Variants in VPS13B observed in about 807,000 individuals in gnomAD.
The protein encoded by VPS13B is vacuolar protein sorting 13 homolog B.
Under a neutral mutation model 426.4 loss-of-function variants are expected in VPS13B, and 285 were observed. That is an observed-to-expected ratio of 0.67 (90% CI 0.61 to 0.74). VPS13B has a LOEUF of 0.74. Among genes scored for constraint, VPS13B ranks in the 30% least tolerant of loss-of-function variants. VPS13B has a pLI of 0.00. For missense variants in VPS13B, 4,537 were observed against 4,782.6 expected, an observed-to-expected ratio of 0.95 and a Z score of 1.51; for synonymous variants, 1,676 against 1,676.4, an observed-to-expected ratio of 1.00 and a Z score of 0.01.
At chr8:99,507,634 G>A (rs1821569110) in intron 28 of VPS13B, 1 of 1,312,384 alleles carries the variant, frequency 7.6e-7, no homozygotes, top group Non-Finnish European at 1.1e-6. Context: ...CCAGGCAGAG[G>A]CCATACCTAG....
intron 23 of VPS13B, among the ~76,000 whole-genome samples, chr8:99,457,016 T>G (rs2133477071): frequency 6.6e-6 from 1 of 152,052 alleles, no homozygotes; most frequent in African/African-American, 2.4e-5. Context: ...TCAGTTATGG[T>G]AAGTTGTATC....
intron 13 of VPS13B, among the ~76,000 whole-genome samples, chr8:99,144,488 C>A (rs536177862): frequency 0.029 from 2,672 of 91,578 alleles, 66 homozygotes; most frequent in African/African-American, 0.095. Context: ...GACCCTGTTT[C>A]AAAAAAAAAA....
At chr8:99,640,136 C>T (rs1231632544) in intron 33 of VPS13B, among the ~76,000 whole-genome samples, 1 of 151,612 alleles carries the variant, frequency 6.6e-6, no homozygotes, top group Non-Finnish European at 1.5e-5. Context: ...CCCAGTTACC[C>T]AGTACTTTGG....
chr8:99,843,780 C>T (rs1322816218), intron 54 of VPS13B, among the ~76,000 whole-genome samples: 1 of 152,172 alleles, frequency 6.6e-6, no homozygotes. Context: ...GGAGATCTTC[C>T]TTGGACACTT....
chr8:99,379,748 CT>C (rs1813690961), intron 19 of VPS13B, among the ~76,000 whole-genome samples: 1 of 152,128 alleles, frequency 6.6e-6, no homozygotes, highest in Non-Finnish European at 1.5e-5. Flanking sequence ...GTGTAATTCA[CT>C]TTTCTTTTAG....
intron 3 of VPS13B, among the ~76,000 whole-genome samples, chr8:99,071,898 C>G (rs986353039): frequency 7.2e-5 from 11 of 152,114 alleles, no homozygotes; most frequent in African/African-American, 2.7e-4. Flanking sequence ...CAGTGATGTT[C>G]ATTCAGGGGC....
At chr8:99,536,972 GA>G in intron 30 of VPS13B, 1 of 359,254 alleles carries the variant, frequency 2.8e-6, no homozygotes, top group Non-Finnish European at 5.5e-6. Flanking sequence ...GAGATATACA[GA>G]AAAGTAATTA....
intron 29 of VPS13B, among the ~76,000 whole-genome samples, chr8:99,516,787 CAAAAAAAAAA>C (rs528490868): frequency 9.0e-4 from 15 of 16,706 alleles, no homozygotes; most frequent in East Asian, 5.3e-3. Flanking sequence ...GACCGTGTCT[CAAAAAAAAAA>C]AAAAAAAAAA....
At chr8:99,517,784 G>A (rs1822167323) in intron 29 of VPS13B, among the ~76,000 whole-genome samples, 2 of 151,930 alleles carry the variant, frequency 1.3e-5, no homozygotes, top group African/African-American at 4.8e-5. Context: ...ATTTCTAGAA[G>A]GAACATTTCC....
chr8:99,225,999 C>T (rs1233491209), intron 17 of VPS13B, among the ~76,000 whole-genome samples: 1 of 152,074 alleles, frequency 6.6e-6, no homozygotes, highest in Non-Finnish European at 1.5e-5. Context: ...GGCTGGAGTG[C>T]AGTGGTGCGA....
Position 99,183,018 on chromosome 8 carries a change from C to T in VPS13B, c.2334-9858C>T, listed in dbSNP as rs531382188. Among the ~76,000 whole-genome samples, 29 of 152,150 alleles carry T rather than the reference C, an allele frequency of 1.9e-4. No homozygotes were observed. In the East Asian group the frequency reaches 2.9e-3, roughly 15 times the overall value. ...CCTCCCAAAGTGCTGGGATTGCAGG[C>T]GTGAGCCACCGCACCTGGCTGTGGA... On this transcript the variant is annotated intron_variant, in intron 16 of 61. Transcript: ENST00000357162.
chr8:99,198,385 T>A (rs951699305), intron 17 of VPS13B, among the ~76,000 whole-genome samples: 9 of 152,164 alleles, frequency 5.9e-5, no homozygotes, highest in African/African-American at 2.2e-4. Context: ...TTAATTGGCT[T>A]AGATAGCCTG....
chr8:99,717,158 A>ATT lies in VPS13B; in HGVS notation c.6455-5_6455-4dup. On this transcript the variant is annotated splice_polypyrimidine_tract_variant and intron_variant, in intron 36 of 61. Transcript: ENST00000357162. ...AAGGATGAATTATATACTCTTCTGT[A>ATT]TTTTTTTTTCAGGCATAATTCTTGG... 3.2e-6 allele frequency: 5 copies of ATT among 1,574,372 alleles called. No individual in the cohort carries two copies. The South Asian group carries it at 3.3e-5, about 10-fold the overall frequency.
chr8:99,290,561 G>A (rs1478660948), intron 19 of VPS13B, among the ~76,000 whole-genome samples: 2 of 151,326 alleles, frequency 1.3e-5, no homozygotes, highest in African/African-American at 4.9e-5. Flanking sequence ...TGTAAATGAC[G>A]AGTTAATGGG....
chr8:99,797,088 G>A (rs1423600421), intron 43 of VPS13B: 1 of 152,202 alleles, frequency 6.6e-6, no homozygotes, highest in African/African-American at 2.4e-5. Flanking sequence ...GGGAGAGAAT[G>A]AAGATGGACA....
At chr8:99,337,413 A>G (rs1810967748) in intron 19 of VPS13B, among the ~76,000 whole-genome samples, 1 of 151,816 alleles carries the variant, frequency 6.6e-6, no homozygotes, top group African/African-American at 2.4e-5. Flanking sequence ...ACCTAATGCT[A>G]AATGACGAGT....
intron 3 of VPS13B, among the ~76,000 whole-genome samples, chr8:99,057,006 T>A (rs1344242550): frequency 3.9e-5 from 6 of 152,146 alleles, no homozygotes; most frequent in Non-Finnish European, 7.4e-5. Flanking sequence ...TATGTTTAAT[T>A]TTTTATTTTG....
intron 33 of VPS13B, among the ~76,000 whole-genome samples, chr8:99,628,882 A>C (rs1185864612): frequency 6.6e-6 from 1 of 152,014 alleles, no homozygotes; most frequent in Non-Finnish European, 1.5e-5. Flanking sequence ...AGCTCAAGCT[A>C]TCCTCCCAAG....
chr8:99,697,174 A>G (rs1331187741), intron 35 of VPS13B: 4 of 547,700 alleles, frequency 7.3e-6, no homozygotes, highest in Non-Finnish European at 1.3e-5. Flanking sequence ...AAGGAAGAGC[A>G]GGTGAAAGTG....
Sources: gnomAD v4.1 joint callset for allele counts (sites outside exome capture counted in the v4.1 genomes callset) on GRCh38, gnomAD v4.1.1 for gene constraint, MANE v1.5 for transcripts, NCBI Gene and HGNC (gene_info 2026-07-23, HGNC 2026-07-21) for gene names.